GABRA3: variants seen among roughly 807,000 people sequenced by gnomAD.
The protein encoded by GABRA3 is gamma-aminobutyric acid type A receptor subunit alpha3, also known as gamma-aminobutyric acid receptor subunit alpha-3.
Under a neutral mutation model 30.1 loss-of-function variants are expected in GABRA3, and 10 were observed. The observed-to-expected ratio is 0.33, with a 90% CI of 0.20 to 0.56. The LOEUF is 0.56. GABRA3 is among the 20% of genes least tolerant of loss of function. GABRA3 has a pLI of 0.89. For missense variants in GABRA3, 233 were observed against 392.0 expected (o/e 0.59, Z 3.42); for synonymous variants, 151 against 146.8 (o/e 1.03, Z -0.21).
chrX:152,216,567 T>C (rs2124374492), intron 6 of GABRA3, among the ~76,000 whole-genome samples: 1 of 109,527 alleles, frequency 9.1e-6, no homozygotes, highest in African/African-American at 3.3e-5. Flanking sequence ...TTGCATTGTA[T>C]CATTCATATA....
intron 3 of GABRA3, among the ~76,000 whole-genome samples, chrX:152,342,061 C>T (rs777791762): frequency 8.6e-4 from 96 of 111,047 alleles, no homozygotes; most frequent in Admixed American, 3.0e-3. Flanking sequence ...TTAGTAGAGA[C>T]GGGGCTTCAT....
chrX:152,435,429 G>T (rs1401701631), intron 1 of GABRA3, among the ~76,000 whole-genome samples: 1 of 111,371 alleles, frequency 9.0e-6, no homozygotes, highest in Non-Finnish European at 1.9e-5. Context: ...CAAAGGGTGA[G>T]TTCATGTCCT....
At chrX:152,293,669 T>C (rs774474504) in intron 3 of GABRA3, among the ~76,000 whole-genome samples, 124 of 112,240 alleles carry the variant, frequency 1.1e-3, no homozygotes, top group Non-Finnish European at 1.4e-3. Flanking sequence ...CCTGTCATTA[T>C]GATGTTAGCT....
chrX:152,201,568 G>A (rs188625893), intron 7 of GABRA3, among the ~76,000 whole-genome samples: 1 of 111,444 alleles, frequency 9.0e-6, no homozygotes, highest in Non-Finnish European at 1.9e-5. Context: ...TGATTTGGGG[G>A]AATTTTCTCC....
intron 1 of GABRA3, among the ~76,000 whole-genome samples, chrX:152,380,911 G>C (rs1178140624): frequency 8.1e-5 from 9 of 111,648 alleles, no homozygotes; most frequent in Non-Finnish European, 1.3e-4. Context: ...AAAGATGTTT[G>C]GGTCATGGGG....
chrX:152,359,291 C>A (rs754600899), intron 2 of GABRA3, among the ~76,000 whole-genome samples: 2 of 110,497 alleles, frequency 1.8e-5, no homozygotes, highest in South Asian at 3.9e-4. Context: ...CTTAGGAAGT[C>A]GCAAGTTTCA....
At chrX:152,233,931 T>C (rs1175732338) in intron 5 of GABRA3, among the ~76,000 whole-genome samples, 2 of 105,989 alleles carry the variant, frequency 1.9e-5, no homozygotes, top group Non-Finnish European at 3.9e-5. Flanking sequence ...TCATTCTCAG[T>C]AAACTATTGC....
At chrX:152,439,797 TAAGTGCTAATTAG>T (rs996916932) in intron 1 of GABRA3, among the ~76,000 whole-genome samples, 12 of 111,498 alleles carry the variant, frequency 1.1e-4, no homozygotes, top group Admixed American at 4.8e-4. Flanking sequence ...ATCCTAAAAG[TAAGTGCTAATTAG>T]AAGAAGCCAG....
At chrX:152,411,251 G>A (rs1930064661) in intron 1 of GABRA3, among the ~76,000 whole-genome samples, 1 of 111,301 alleles carries the variant, frequency 9.0e-6, no homozygotes, top group South Asian at 3.8e-4. Flanking sequence ...GCAGATGGAG[G>A]CTGCAGTGAG....
intron 1 of GABRA3, among the ~76,000 whole-genome samples, chrX:152,371,103 T>C (rs1228965496): frequency 9.0e-6 from 1 of 111,122 alleles, no homozygotes; most frequent in Non-Finnish European, 1.9e-5. Flanking sequence ...AATAAGCACC[T>C]TAATATATCT....
chrX:152,263,508 T>C (rs1200678037), intron 4 of GABRA3, among the ~76,000 whole-genome samples: 1 of 110,438 alleles, frequency 9.1e-6, no homozygotes, highest in Non-Finnish European at 1.9e-5. Context: ...GAAGACAGGC[T>C]ATTTGAATGT....
At chrX:152,403,773 T>C (rs920730852) in intron 1 of GABRA3, among the ~76,000 whole-genome samples, 1 of 110,173 alleles carries the variant, frequency 9.1e-6, no homozygotes, top group Non-Finnish European at 1.9e-5. Context: ...CAGAAAGCAA[T>C]GATTAAGAGA....
chrX:152,270,262 C>G (rs1239903297), intron 4 of GABRA3, among the ~76,000 whole-genome samples: 1 of 111,215 alleles, frequency 9.0e-6, no homozygotes, highest in Non-Finnish European at 1.9e-5. Flanking sequence ...CTTTCCCCCC[C>G]TTTACTTGAC....
rs1179308833 is a variant in GABRA3, at chrX:152,197,697, A to G, written c.867T>C (p.Thr289=). ...AGAACGACACTTGTGACAGAATGAC[A>G]GTCATGATACATGGCAAGTAGGTCT... is the stretch of plus-strand genomic sequence containing the variant. The part of the protein sequence containing the change: ...VIQTYLPCIM[T]VILSQVSFWL... Residue 289 remains threonine (T), a synonymous_variant, in exon 8 of 10, where the codon ACT becomes ACC. Coordinates refer to ENST00000370314, the MANE Select transcript of GABRA3 (RefSeq NM_000808.4). 1 of 1,208,273 alleles carries G rather than the reference A, an allele frequency of 8.3e-7. No homozygotes were observed. Among genetic ancestry groups the G allele is most frequent in the East Asian group, 3.0e-5 (1 of 33,760 alleles).
Position 152,251,701 on chromosome X carries a change from C to T in GABRA3, c.551+4077G>A, listed in dbSNP as rs781318827. ...CATATACTCCACTCCATTCTTTCCA[C>T]AATTGTGTGAACTCTTATCTCTTTT... On this transcript the variant is annotated intron_variant, in intron 5 of 9. Transcript: ENST00000370314. Among the ~76,000 whole-genome samples the T allele has an allele frequency of 3.6e-3, 397 of 110,714 alleles. 2 individuals carry two copies. Among genetic ancestry groups the T allele is most frequent in the African/African-American group, 0.012 (371 of 30,552 alleles).
intron 1 of GABRA3, among the ~76,000 whole-genome samples, chrX:152,390,899 T>C (rs1929465455): frequency 8.9e-6 from 1 of 112,178 alleles, no homozygotes; most frequent in Non-Finnish European, 1.9e-5. Context: ...TTGTATATAA[T>C]GCAGTCTACC....
chrX:152,441,334 T>C (rs1165649816), intron 1 of GABRA3, among the ~76,000 whole-genome samples: 1 of 111,634 alleles, frequency 9.0e-6, no homozygotes, highest in African/African-American at 3.2e-5. Flanking sequence ...TCATCAAAGG[T>C]TGCAAAAAGT....
At chrX:152,275,216 A>ATATATATAATTTATATATAT (rs1569378249) in intron 4 of GABRA3, among the ~76,000 whole-genome samples, 63 of 49,619 alleles carry the variant, frequency 1.3e-3, no homozygotes, top group Non-Finnish European at 1.8e-3. Context: ...ATATAATATT[A>ATATATATAATTTATATATAT]TATATATATA....
At chrX:152,384,309 T>C (rs1929237937) in intron 1 of GABRA3, among the ~76,000 whole-genome samples, 1 of 111,662 alleles carries the variant, frequency 9.0e-6, no homozygotes, top group African/African-American at 3.2e-5. Flanking sequence ...CAAAGTGATC[T>C]ACAGATTTAA....
Sources: allele counts gnomAD v4.1 joint callset (sites outside exome capture counted in the v4.1 genomes callset), GRCh38; gene constraint gnomAD v4.1.1; transcripts MANE v1.5; gene names NCBI Gene and HGNC (gene_info 2026-07-23, HGNC 2026-07-21).